Variants in PLSCR5 observed in about 807,000 individuals in gnomAD.
PLSCR5 encodes the protein phospholipid scramblase family, member 5.
PLSCR5 carries 44 observed loss-of-function variants against 33.6 expected under a neutral mutation model. The ratio of observed to expected loss-of-function variants is 1.31; its 90% confidence interval spans 1.03 to 1.69. PLSCR5 has a LOEUF of 1.69. Among genes scored for constraint, PLSCR5 ranks in the 40% most tolerant of loss-of-function variants. The probability of loss-of-function intolerance (pLI) is 0.00; values close to 1 mark genes in which losing one functional copy is unlikely to be tolerated. For synonymous variants in PLSCR5, 148 were observed against 112.3 expected, an observed-to-expected ratio of 1.32 and a Z score of -2.01; for missense variants, 375 against 318.7, an observed-to-expected ratio of 1.18 and a Z score of -1.34.
chr3:146,600,527 A>G, intron 1 of PLSCR5, 64 bp from the exon 2 acceptor site: 1 of 1,375,856 alleles, frequency 7.3e-7, no homozygotes, highest in Non-Finnish European at 9.6e-7. Flanking sequence ...GTCCTTCTTA[A>G]AGTATTTGTT....
Position 146,605,288 on chromosome 3 carries a change from A to G in PLSCR5, c.-76T>C. 6.2e-7 allele frequency: 1 copy of G among 1,605,112 alleles called. No homozygotes were observed. The highest frequency in any genetic ancestry group is 8.5e-7 in the Non-Finnish European group (1 of 1,175,208). ...CTTTTCTTGTTGCAGCAAGGAGAGA[A>G]AACGCAGCATGCACAAAACTTCAGA... On this transcript the variant is annotated 5_prime_UTR_variant, in exon 1 of 8. Transcript: ENST00000443512.
chr3:146,598,508 A>G (rs116361794), intron 2 of PLSCR5, among the ~76,000 whole-genome samples: 1,691 of 152,284 alleles, frequency 0.011, 30 homozygotes, highest in African/African-American at 0.038. Flanking sequence ...ATATTTTTGG[A>G]AAATTTATTC....
rs199965523 is a variant in PLSCR5, at chr3:146,594,023, C to A, written c.350G>T (p.Arg117Leu). Residue 117 changes from arginine to leucine, a missense_variant, in exon 4 of 8, where the codon CGA becomes CTA. By Grantham distance (102) the Arg-to-Leu change is moderately radical. Coordinates refer to ENST00000443512, the MANE Select transcript of PLSCR5 (RefSeq NM_001085420.2). ...CFNRTFCSTLRSCTLRITDNS... is the reference protein window; with the variant it reads ...CFNRTFCSTLLSCTLRITDNS... ...ATCTGTGATCCTCAGGGTGCAAGAT[C>A]GCAGAGTGGAACAGAAAGTACGATT... 5 of 1,613,804 alleles carry A rather than the reference C, an allele frequency of 3.1e-6. No homozygotes were observed. The Admixed American group carries it at 8.3e-5, about 27-fold the overall frequency.
rs1416496544 is a variant in PLSCR5 at position 146,591,722 on chromosome 3, C to CA, written c.612dup (p.Glu205Ter). 1 of 1,608,792 alleles carries CA rather than the reference C, an allele frequency of 6.2e-7. No homozygotes were observed. The highest frequency in any genetic ancestry group is 2.2e-5 in the East Asian group (1 of 44,686). ...TTCTTTCATTTTGTCAATTGTACCT[C>CA]AAAATCCACATCGCCAAAACAGCCA... On this transcript the variant is annotated frameshift_variant, in exon 5 of 8. Coordinates refer to ENST00000443512, the MANE Select transcript of PLSCR5 (RefSeq NM_001085420.2). LOFTEE classifies it high-confidence loss of function.
chr3:146,589,969 T>C (rs573517124), intron 5 of PLSCR5, 155 bp from the exon 6 acceptor site: 26 of 470,602 alleles, frequency 5.5e-5, no homozygotes, highest in African/African-American at 4.4e-4. Flanking sequence ...TAAGCATAGG[T>C]TTGTAAATTT....
At chr3:146,583,301 C>A (rs2044646316), downstream of PLSCR5, among the ~76,000 whole-genome samples, 1 of 152,098 alleles carries the variant, frequency 6.6e-6, no homozygotes, top group South Asian at 2.1e-4. Context: ...CATGTAAGAG[C>A]AAGTAAATAA....
chr3:146,592,539 G>A (rs1399913158), intron 4 of PLSCR5, among the ~76,000 whole-genome samples: 2 of 151,982 alleles, frequency 1.3e-5, no homozygotes, highest in Admixed American at 6.6e-5. Context: ...AAATAAATTG[G>A]GGGTGGGTAC....
At position 146,585,904 on chromosome 3, in the gene PLSCR5, C is replaced by G. The variant is rs1221004889; in HGVS notation, c.*83G>C. ...TTTTTTTAACAAAAAAGCAAACATT[C>G]AAACCATTCAGAAATGAAATCCAGA... On this transcript the variant is annotated 3_prime_UTR_variant, in exon 8 of 8. Transcript: ENST00000443512. 1.6e-6 allele frequency: 1 copy of G among 613,184 alleles called. No individual in the cohort carries two copies. The highest frequency in any genetic ancestry group is 2.5e-6 in the Non-Finnish European group (1 of 396,694). 38.0% of individuals were successfully genotyped at this position (613,184 alleles called of 1,614,324 possible).
downstream of PLSCR5, among the ~76,000 whole-genome samples, chr3:146,583,541 G>A (rs2044647725): frequency 2.6e-5 from 4 of 152,124 alleles, no homozygotes; most frequent in Admixed American, 2.6e-4. Context: ...AGTCTCTCAT[G>A]GACTTATGTT....
chr3:146,590,459 A>T (rs562349982), intron 5 of PLSCR5: 1 of 152,174 alleles, frequency 6.6e-6, no homozygotes, highest in Non-Finnish European at 1.5e-5. Context: ...GGAAGTTAAG[A>T]CCAACTAGAC....
intron 3 of PLSCR5, among the ~76,000 whole-genome samples, chr3:146,594,796 A>G (rs535458919): frequency 5.0e-4 from 76 of 152,252 alleles, no homozygotes; most frequent in African/African-American, 1.8e-3. Flanking sequence ...AGTATATGTA[A>G]TGTCAGAATT....
At chr3:146,583,126 C>T (rs2044644359), downstream of PLSCR5, among the ~76,000 whole-genome samples, 3 of 152,148 alleles carry the variant, frequency 2.0e-5, no homozygotes, top group South Asian at 4.1e-4. Flanking sequence ...CAGCATCACT[C>T]CCTCCTTCTC....
intron 4 of PLSCR5, 91 bp downstream of exon 4, chr3:146,593,829 T>G (rs765741973): frequency 3.4e-6 from 4 of 1,180,974 alleles, no homozygotes; most frequent in Non-Finnish European, 3.7e-6. Flanking sequence ...AACTGGCAGG[T>G]TAATTGCCTC....
In PLSCR5 at chr3:146,604,838, C is replaced by A. The variant is rs368010387; in HGVS notation, c.13+362G>T. Among the ~76,000 whole-genome samples, 6 of 152,200 alleles carry A rather than the reference C, an allele frequency of 3.9e-5. No homozygotes were observed. The East Asian group carries it at 1.2e-3, about 29-fold the overall frequency. On this transcript the variant is annotated intron_variant, in intron 1 of 7. Transcript: ENST00000443512. The stretch of plus-strand genomic sequence containing the variant: ...TAAATTGCACTTTAACACTTTCTAA[C>A]TTATGTGTGAAAAGTTTTCTTCAAA...
chr3:146,591,147 A>G (rs912340555), intron 5 of PLSCR5, among the ~76,000 whole-genome samples: 11 of 150,690 alleles, frequency 7.3e-5, no homozygotes, highest in Admixed American at 6.6e-4. Flanking sequence ...AAGATACATA[A>G]TTTAGGTGAT....
chr3:146,580,100 C>T (rs974309545), intron 7 of PLSCR5, among the ~76,000 whole-genome samples: 1 of 152,130 alleles, frequency 6.6e-6, no homozygotes, highest in African/African-American at 2.4e-5. Flanking sequence ...TGAATGCTTC[C>T]TTTTTTTGTG....
rs201247692 is a variant in PLSCR5, at chr3:146,586,081, C to T, written c.809G>A (p.Gly270Glu). 1 of 1,484,108 alleles carries T rather than the reference C, an allele frequency of 6.7e-7. No homozygotes were observed. Among genetic ancestry groups the T allele is most frequent in the Non-Finnish European group, 9.0e-7 (1 of 1,114,810 alleles). The allele number at this position is 1,484,108 out of a possible 1,614,324, so 91.9% of individuals were successfully genotyped here. The change falls in exon 7 of 8, where the codon GGA becomes GAA. Residue 270 changes from glycine (G) to glutamate (E), a missense_variant. Transcript: ENST00000443512. ...TTTTCATTATCTTGGTTATTATAAT[C>T]CAGCCAGTGAATGTTCAAAGAACAT... ...DFMFFEHSLA[G>E]L
chr3:146,598,525 A>G (rs2044782680), intron 2 of PLSCR5, among the ~76,000 whole-genome samples: 1 of 152,226 alleles, frequency 6.6e-6, no homozygotes, highest in African/African-American at 2.4e-5. Context: ...ATTCCATTTT[A>G]GAACCAAAGC....
Position 146,589,690 on chromosome 3 carries a change from G to A in PLSCR5, c.740C>T (p.Thr247Ile), listed in dbSNP as rs760684660. ...GGCACCGATCATTGCTGCTTTGACT[G>A]TTACATCTAGATCTGCAGGAACATG... ...GIHVPADLDVTVKAAMIGACF... is the reference protein window; with the variant it reads ...GIHVPADLDVIVKAAMIGACF... The change falls in exon 6 of 8, where the codon ACA (threonine) becomes ATA (isoleucine). Residue 247 changes from threonine (T) to isoleucine (I), a missense_variant. Transcript: ENST00000443512. The A allele has an allele frequency of 1.9e-6, 3 of 1,604,120 alleles. No homozygotes were observed. Among genetic ancestry groups the A allele is most frequent in the Non-Finnish European group, 2.6e-6 (3 of 1,172,910 alleles).
Sources: allele counts gnomAD v4.1 joint callset (sites outside exome capture counted in the v4.1 genomes callset), GRCh38; gene constraint gnomAD v4.1.1; transcripts MANE v1.5; gene names NCBI Gene and HGNC (gene_info 2026-07-23, HGNC 2026-07-21).